The following KCTD1 variants were observed in gnomAD, a reference collection of about 807,000 sequenced individuals.
KCTD1 encodes potassium channel tetramerization domain containing 1.
Under a neutral mutation model 66.0 loss-of-function variants are expected in KCTD1, and 24 were observed. That is an observed-to-expected ratio of 0.36 (90% CI 0.26 to 0.51). KCTD1 has a LOEUF of 0.51. Among genes scored for constraint, KCTD1 ranks in the 20% least tolerant of loss-of-function variants. KCTD1 has a pLI of 0.95. For synonymous variants in KCTD1, 511 were observed against 517.2 expected, an observed-to-expected ratio of 0.99 and a Z score of 0.16; for missense variants, 943 against 1,205.2, an observed-to-expected ratio of 0.78 and a Z score of 3.22.
rs966147098 is a variant in KCTD1, at chr18:26,548,006, G to C, written c.531C>G (p.Arg177=). Residue 177 remains arginine, a synonymous_variant, in exon 1 of 5, where the codon CGC becomes CGG. Coordinates refer to ENST00000580059, the MANE Select transcript of KCTD1 (RefSeq NM_001142730.3). ...RLSENTRLAT[R]YAVRIFREYL... is the part of the protein sequence containing the mutation. Reference sequence around the variant, plus strand: ...ACTCCCGGAAGATGCGCACGGCGTAGCGGGTGGCCAGCCGGGTGTTCTCGC... The same window carrying C: ...ACTCCCGGAAGATGCGCACGGCGTACCGGGTGGCCAGCCGGGTGTTCTCGC... The C allele has an allele frequency of 8.5e-5, 130 of 1,532,108 alleles. No individual in the cohort carries two copies. The highest frequency in any genetic ancestry group is 1.1e-4 in the Non-Finnish European group (127 of 1,142,114). The allele number at this position is 1,532,108 out of a possible 1,614,324, so 94.9% of individuals were successfully genotyped here.
chr18:26,610,959 G>A (rs1319793068), intron 1 of KCTD1, among the ~76,000 whole-genome samples: 1 of 151,884 alleles, frequency 6.6e-6, no homozygotes, highest in Non-Finnish European at 1.5e-5. Flanking sequence ...TTGTCTTTGG[G>A]GTTTGTTAAT....
At chr18:26,490,025 A>G (rs907716306) in intron 2 of KCTD1, among the ~76,000 whole-genome samples, 6 of 152,184 alleles carry the variant, frequency 3.9e-5, no homozygotes, top group African/African-American at 4.8e-5. Flanking sequence ...GTGTTGCTCA[A>G]TGATATTATT....
chr18:26,607,616 C>A (rs1987046538), intron 1 of KCTD1, among the ~76,000 whole-genome samples: 1 of 152,198 alleles, frequency 6.6e-6, no homozygotes, highest in Non-Finnish European at 1.5e-5. Context: ...AAATTTCAGT[C>A]ACTGATCACA....
chr18:26,471,144 A>T (rs942246235), intron 3 of KCTD1, among the ~76,000 whole-genome samples: 3 of 152,088 alleles, frequency 2.0e-5, no homozygotes, highest in African/African-American at 7.2e-5. Context: ...CCGAGTATAC[A>T]GCCCCCCCAG....
chr18:26,545,014 A>G (rs182876641), intron 1 of KCTD1: 37 of 152,362 alleles, frequency 2.4e-4, no homozygotes, highest in Non-Finnish European at 4.7e-4. Flanking sequence ...ATAAAAGATA[A>G]TGACTGAAAG....
At chr18:26,647,007 C>G (rs1987936575) in intron 1 of KCTD1, among the ~76,000 whole-genome samples, 1 of 152,160 alleles carries the variant, frequency 6.6e-6, no homozygotes, top group African/African-American at 2.4e-5. Flanking sequence ...TTGGTCAGGT[C>G]TCTGTGACTC....
At chr18:26,496,662 G>A (rs1982486698) in intron 2 of KCTD1, among the ~76,000 whole-genome samples, 1 of 152,078 alleles carries the variant, frequency 6.6e-6, no homozygotes, top group Non-Finnish European at 1.5e-5. Flanking sequence ...AACAACATGA[G>A]TGGCTAACCT....
intron 2 of KCTD1, among the ~76,000 whole-genome samples, chr18:26,482,915 C>T (rs12954875): frequency 0.69 from 104,231 of 152,104 alleles, 36,707 homozygotes; most frequent in Non-Finnish European, 0.78. Flanking sequence ...GGGAAGGGCC[C>T]GGGTGGTTGG....
chr18:26,474,757 T>C (rs1981252240), intron 3 of KCTD1, among the ~76,000 whole-genome samples: 3 of 152,214 alleles, frequency 2.0e-5, no homozygotes, highest in Admixed American at 2.0e-4. Flanking sequence ...ATATGATGTC[T>C]TCAATTCAAC....
chr18:26,476,857 G>A lies in KCTD1; in HGVS notation c.1989-198C>T, dbSNP rs979692658. ...ACCATTCAAAATAGTCCTAGGCTTTGTCAAATGAATTCTTTTATTCACTGT... is the reference window on the plus strand; with the variant it reads ...ACCATTCAAAATAGTCCTAGGCTTTATCAAATGAATTCTTTTATTCACTGT... On this transcript the variant is annotated intron_variant, in intron 2 of 4. Coordinates refer to ENST00000580059, the MANE Select transcript of KCTD1 (RefSeq NM_001142730.3). The surrounding 1 kb of genome is among the most constrained non-coding windows in gnomAD (Gnocchi z 4.9). 2 of 519,774 alleles carry A rather than the reference G, an allele frequency of 3.8e-6. No homozygotes were observed. The highest frequency in any genetic ancestry group is 2.0e-5 in the African/African-American group (1 of 49,812). 32.2% of individuals were successfully genotyped at this position (519,774 alleles called of 1,614,324 possible). A position where few individuals can be genotyped will look rare whatever the true frequency, so the allele number is the denominator to read the frequency against.
At chr18:26,464,925 T>C (rs1015519138) in intron 3 of KCTD1, among the ~76,000 whole-genome samples, 2 of 152,188 alleles carry the variant, frequency 1.3e-5, no homozygotes, top group African/African-American at 4.8e-5. Context: ...GTGGTCATCA[T>C]AACAAAAGAC....
At chr18:26,548,691 C>A (rs1269070054), upstream of KCTD1, 2 of 935,612 alleles carry the variant, frequency 2.1e-6, no homozygotes, top group Admixed American at 5.6e-5. Flanking sequence ...AGCGCAGCTC[C>A]GGAGGGGCAG....
chr18:26,455,598 G>A lies in KCTD1; in HGVS notation c.*145C>T. The A allele has an allele frequency of 1.5e-5, 12 of 824,030 alleles. No homozygotes were observed. The South Asian group carries it at 1.9e-4, about 13-fold the overall frequency. 51.0% of individuals were successfully genotyped at this position (824,030 alleles called of 1,614,324 possible). A position where few individuals can be genotyped will look rare whatever the true frequency, so the allele number is the denominator to read the frequency against. On this transcript the variant is annotated 3_prime_UTR_variant, in exon 5 of 5. Transcript: ENST00000580059. ...CAATTGTTCCCATATGAATACAGGT[G>A]TGGTCTCTATTGGATATAAATGTGT...
chr18:26,571,170 A>G (rs1416841357), intron 1 of KCTD1, among the ~76,000 whole-genome samples: 1 of 152,206 alleles, frequency 6.6e-6, no homozygotes, highest in African/African-American at 2.4e-5. Flanking sequence ...GAGGGTGGAG[A>G]CCGAGTATCC....
At chr18:26,566,338 G>C (rs1202603287) in intron 1 of KCTD1, 1 of 152,344 alleles carries the variant, frequency 6.6e-6, no homozygotes, top group Non-Finnish European at 1.5e-5. Flanking sequence ...GACAGTTTCT[G>C]CCCAGGCTTC....
upstream of KCTD1, chr18:26,548,897 G>C: frequency 1.0e-6 from 1 of 992,750 alleles, no homozygotes; most frequent in African/African-American, 1.7e-5. Context: ...TTACCCTCTG[G>C]CGGAGAATTG....
At chr18:26,614,731 G>A (rs1488308981) in intron 1 of KCTD1, among the ~76,000 whole-genome samples, 4 of 152,174 alleles carry the variant, frequency 2.6e-5, no homozygotes, top group Admixed American at 2.0e-4. Flanking sequence ...CACCTCTAGC[G>A]AATCAGTCTC....
At position 26,575,379 on chromosome 18, in the gene KCTD1, C is replaced by G. The variant is rs1169345702; in HGVS notation, c.-16+53768G>C. ...TCCTGGGAAACCACATGCAGCGTCT[C>G]CCAAGAACGTGGTGTGCGTGCGGGC... On this transcript the variant is annotated intron_variant, in intron 1 of 4. Coordinates refer to the KCTD1 transcript ENST00000317932. 5.9e-5 allele frequency: 9 copies of G among 152,288 alleles called. No individual in the cohort carries two copies. In the East Asian group the frequency reaches 1.5e-3, roughly 26 times the overall value. 9.4% of individuals were successfully genotyped at this position (152,288 alleles called of 1,614,324 possible).
At chr18:26,512,716 C>T (rs916612043) in intron 1 of KCTD1, among the ~76,000 whole-genome samples, 7 of 152,108 alleles carry the variant, frequency 4.6e-5, no homozygotes, top group African/African-American at 1.7e-4. Context: ...TGAGGTGGCT[C>T]ATGTCTGGAA....
Sources: allele counts gnomAD v4.1 joint callset (sites outside exome capture counted in the v4.1 genomes callset), GRCh38; gene constraint gnomAD v4.1.1; non-coding constraint Gnocchi (gnomAD v3.1); transcripts MANE v1.5; gene names NCBI Gene and HGNC (gene_info 2026-07-23, HGNC 2026-07-21).